Variants in IPCEF1 observed in about 807,000 individuals in gnomAD.
IPCEF1 encodes interaction protein for cytohesin exchange factors 1.
In IPCEF1, 31 loss-of-function variants were observed where a neutral mutation model predicts 50.9. That is an observed-to-expected ratio of 0.61 (90% CI 0.46 to 0.82). The LOEUF is 0.82. Among genes scored for constraint, IPCEF1 ranks in the 40% least tolerant of loss-of-function variants. The pLI is 0.00. For synonymous variants in IPCEF1, 181 were observed against 192.0 expected, an observed-to-expected ratio of 0.94 and a Z score of 0.47; for missense variants, 458 against 514.0, an observed-to-expected ratio of 0.89 and a Z score of 1.05.
At chr6:154,312,435 C>T (rs540258787) in intron 1 of IPCEF1, among the ~76,000 whole-genome samples, 116 of 152,188 alleles carry the variant, frequency 7.6e-4, no homozygotes, top group Non-Finnish European at 1.3e-3. Context: ...TAACCTCCAC[C>T]TCCTGGGTTC....
chr6:154,282,162 C>T (rs1766954732), intron 2 of IPCEF1, among the ~76,000 whole-genome samples: 1 of 151,612 alleles, frequency 6.6e-6, no homozygotes, highest in South Asian at 2.1e-4. Flanking sequence ...GAGCAAGACT[C>T]TGTCTCAAAA....
intron 3 of IPCEF1, among the ~76,000 whole-genome samples, chr6:154,255,733 T>A (rs776799902): frequency 6.6e-6 from 1 of 152,198 alleles, no homozygotes. Context: ...ATGCTACTTA[T>A]GTCTTATATC....
intron 1 of IPCEF1, among the ~76,000 whole-genome samples, chr6:154,301,453 T>C (rs561852624): frequency 3.9e-5 from 6 of 152,332 alleles, no homozygotes; most frequent in African/African-American, 1.4e-4. Flanking sequence ...TGTGTCTGTG[T>C]GTGTACCGTT....
chr6:154,248,340 G>GTGTGTGTGTGTGTGT (rs1562566051), intron 3 of IPCEF1, among the ~76,000 whole-genome samples: 1 of 112,092 alleles, frequency 8.9e-6, no homozygotes, highest in African/African-American at 3.3e-5. Context: ...TGTGTGTGTA[G>GTGTGTGTGTGTGTGT]AGAGAGAGAA....
intron 2 of IPCEF1, among the ~76,000 whole-genome samples, chr6:154,289,472 CATAA>C (rs554640830): frequency 6.6e-6 from 1 of 151,180 alleles, no homozygotes; most frequent in African/African-American, 2.4e-5. Context: ...AAAATCAACC[CATAA>C]ATAAATAAAT....
At chr6:154,281,997 T>A (rs962374713) in intron 2 of IPCEF1, among the ~76,000 whole-genome samples, 1 of 150,150 alleles carries the variant, frequency 6.7e-6, no homozygotes, top group South Asian at 2.1e-4. Flanking sequence ...AGAGTGAAAC[T>A]CCATCTCAAC....
At chr6:154,346,338 T>A (rs1245261340) in intron 1 of IPCEF1, among the ~76,000 whole-genome samples, 3 of 152,342 alleles carry the variant, frequency 2.0e-5, no homozygotes, top group Admixed American at 6.5e-5. Context: ...ATAATTATTT[T>A]AAAAAATTTA....
At chr6:154,317,802 C>T (rs1001205911) in intron 1 of IPCEF1, among the ~76,000 whole-genome samples, 2 of 151,872 alleles carry the variant, frequency 1.3e-5, no homozygotes, top group East Asian at 3.9e-4. Flanking sequence ...TTCTTATAAA[C>T]ATAATATGTT....
intron 3 of IPCEF1, among the ~76,000 whole-genome samples, chr6:154,265,084 A>G (rs1376558507): frequency 1.3e-5 from 2 of 152,138 alleles, no homozygotes; most frequent in South Asian, 2.1e-4. Flanking sequence ...GAAGCACACC[A>G]TACAATCCCA....
At chr6:154,255,142 T>G in intron 3 of IPCEF1, among the ~76,000 whole-genome samples, 1 of 150,852 alleles carries the variant, frequency 6.6e-6, no homozygotes, top group Non-Finnish European at 1.5e-5. Context: ...GTTTTCCTAT[T>G]TCTGGGATCA....
At chr6:154,228,966 T>C (rs143715230) in intron 5 of IPCEF1, among the ~76,000 whole-genome samples, 1 of 152,350 alleles carries the variant, frequency 6.6e-6, no homozygotes, top group East Asian at 1.9e-4. Context: ...CCTGGCCCTA[T>C]AATGCCCTTC....
At chr6:154,311,986 A>C (rs1382492819) in intron 1 of IPCEF1, among the ~76,000 whole-genome samples, 1 of 151,374 alleles carries the variant, frequency 6.6e-6, no homozygotes, top group African/African-American at 2.5e-5. Context: ...AAATGAAATC[A>C]GTATATTAAA....
chr6:154,155,621 C>T lies in IPCEF1; in HGVS notation c.*4207G>A, dbSNP rs1798681276. 2 of 151,820 alleles carry T rather than the reference C, an allele frequency of 1.3e-5. No individual in the cohort carries two copies. The highest frequency in any genetic ancestry group is 4.8e-5 in the African/African-American group (2 of 41,318). 9.4% of individuals were successfully genotyped at this position (151,820 alleles called of 1,614,324 possible). A position where few individuals can be genotyped will look rare whatever the true frequency, so the allele number is the denominator to read the frequency against. The stretch of plus-strand genomic sequence containing the variant: ...AAACCAGCCTGGGCAACATGGTAAA[C>T]CCCGGTCTCTACTAAAAATATAAAA... On this transcript the variant is annotated 3_prime_UTR_variant, in exon 12 of 12. Coordinates refer to ENST00000367220, the MANE Select transcript of IPCEF1 (RefSeq NM_001130700.2).
intron 10 of IPCEF1, among the ~76,000 whole-genome samples, chr6:154,172,641 A>G (rs1799968940): frequency 6.6e-6 from 1 of 152,204 alleles, no homozygotes; most frequent in Non-Finnish European, 1.5e-5. Flanking sequence ...TCACAGTGTA[A>G]ACAAAGCAGC....
At position 154,342,982 on chromosome 6, in the gene IPCEF1, C is replaced by T. The variant is rs574215842; in HGVS notation, c.-62+13690G>A. Among the ~76,000 whole-genome samples, 4 of 152,174 alleles carry T rather than the reference C, an allele frequency of 2.6e-5. No individual in the cohort carries two copies. The South Asian group carries it at 8.3e-4, about 32-fold the overall frequency. On this transcript the variant is annotated intron_variant, in intron 1 of 11. Transcript: ENST00000367220. ...CACAAGAAAACTAGTAAGGCTTGGT[C>T]ACATGGGCCTGTAGTCCCAGCTACT...
At chr6:154,341,676 G>C (rs1783921662) in intron 1 of IPCEF1, among the ~76,000 whole-genome samples, 5 of 152,066 alleles carry the variant, frequency 3.3e-5, no homozygotes, top group Non-Finnish European at 4.4e-5. Flanking sequence ...TCCACTGGAA[G>C]GTTCAATGCG....
chr6:154,229,409 G>C (rs1436001803), intron 5 of IPCEF1, among the ~76,000 whole-genome samples: 1 of 148,684 alleles, frequency 6.7e-6, no homozygotes, highest in African/African-American at 2.5e-5. Context: ...GACTGCAGTG[G>C]CGCGATCTTG....
At chr6:154,247,247 A>T in intron 4 of IPCEF1, 2 of 556,820 alleles carry the variant, frequency 3.6e-6, no homozygotes, top group Non-Finnish European at 6.5e-6. Context: ...CTTTTGACAT[A>T]CCACGAGGGA....
chr6:154,261,862 C>A (rs1163510320), intron 3 of IPCEF1, among the ~76,000 whole-genome samples: 1 of 152,126 alleles, frequency 6.6e-6, no homozygotes, highest in Admixed American at 6.6e-5. Flanking sequence ...TATACCCCAG[C>A]ACCAAGCAGT....
Sources: allele counts gnomAD v4.1 joint callset (sites outside exome capture counted in the v4.1 genomes callset), GRCh38; gene constraint gnomAD v4.1.1; transcripts MANE v1.5; gene names NCBI Gene and HGNC (gene_info 2026-07-23, HGNC 2026-07-21).